Variants in ENPEP observed in about 807,000 individuals in gnomAD.
ENPEP encodes the protein glutamyl aminopeptidase.
A neutral mutation model predicts 114.5 loss-of-function variants in ENPEP; 103 were observed. That is an observed-to-expected ratio of 0.90 (90% CI 0.77 to 1.06). The LOEUF is 1.06. Among genes scored for constraint, ENPEP ranks in the 50% least tolerant of loss-of-function variants. The pLI, the probability that ENPEP is intolerant of heterozygous loss-of-function variation, is 0.00. For synonymous variants in ENPEP, 420 were observed against 422.0 expected (o/e 1.00, Z 0.06); for missense variants, 1,196 against 1,161.3 (o/e 1.03, Z -0.43).
At position 110,509,793 on chromosome 4, in the gene ENPEP, G is replaced by C; in HGVS notation, c.1180G>C (p.Glu394Gln). 3 of 1,613,454 alleles carry C rather than the reference G, an allele frequency of 1.9e-6. No individual in the cohort carries two copies. The highest frequency in any genetic ancestry group is 1.7e-6 in the Non-Finnish European group (2 of 1,179,862). Residue 394 changes from glutamate to glutamine, a missense_variant, in exon 5 of 20, where the codon GAA (glutamate) becomes CAA (glutamine). By Grantham distance (29) the Glu-to-Gln change is conservative. Coordinates refer to ENST00000265162, the MANE Select transcript of ENPEP (RefSeq NM_001977.4). ...GAGGGTGGCCACTGTGGTTGCCCATGAACTTGTGCATCAGGTACAGAATCT... is the reference window on the plus strand; with the variant it reads ...GAGGGTGGCCACTGTGGTTGCCCATCAACTTGTGCATCAGGTACAGAATCT... ...QQRVATVVAH[E>Q]LVHQWFGNIV...
At position 110,561,410 on chromosome 4, in the gene ENPEP, AG is replaced by A. The variant is rs1727672589; in HGVS notation, c.2727del (p.Ser910AlafsTer23). The A allele has an allele frequency of 2.5e-6, 4 of 1,613,540 alleles. No homozygotes were observed. Among genetic ancestry groups the A allele is most frequent in the Non-Finnish European group, 2.5e-6 (3 of 1,179,880 alleles). On this transcript the variant is annotated frameshift_variant, in exon 20 of 20. Coordinates refer to ENST00000265162, the MANE Select transcript of ENPEP (RefSeq NM_001977.4). LOFTEE classifies it low-confidence loss of function (END_TRUNC). ...FNTELQLWQM[E>X]SFFAKYPQAG... ...TTACTCCCCTCTCTTTTCTAGATGG[AG>A]AGCTTTTTTGCAAAATATCCACAAG... is the stretch of plus-strand genomic sequence containing the variant.
chr4:110,499,286 C>T (rs973819709), intron 3 of ENPEP, among the ~76,000 whole-genome samples: 3 of 152,086 alleles, frequency 2.0e-5, no homozygotes, highest in Non-Finnish European at 2.9e-5. Flanking sequence ...TTATTTAATA[C>T]TCGAAATAAC....
intron 11 of ENPEP, among the ~76,000 whole-genome samples, chr4:110,541,951 A>AT (rs1726864924): frequency 6.6e-6 from 1 of 152,162 alleles, no homozygotes; most frequent in East Asian, 1.9e-4. Context: ...TACCTAAAAC[A>AT]TAAGTCTCTG....
intron 1 of ENPEP, among the ~76,000 whole-genome samples, chr4:110,478,411 A>T (rs964859341): frequency 9.1e-5 from 12 of 131,830 alleles, no homozygotes; most frequent in African/African-American, 3.6e-4. Flanking sequence ...CATAAAAATT[A>T]TCAAAAAGGA....
intron 13 of ENPEP, among the ~76,000 whole-genome samples, chr4:110,547,433 C>T (rs905345060): frequency 4.6e-5 from 7 of 151,960 alleles, no homozygotes; most frequent in African/African-American, 1.4e-4. Context: ...GTTCCCTAGA[C>T]GTAGAGTCAG....
At chr4:110,535,232 A>G (rs1164006761) in intron 11 of ENPEP, among the ~76,000 whole-genome samples, 1 of 152,206 alleles carries the variant, frequency 6.6e-6, no homozygotes, top group East Asian at 1.9e-4. Flanking sequence ...TGCGGACTCT[A>G]CAATAGCTGT....
Position 110,545,034 on chromosome 4 carries a change from A to G in ENPEP, c.2000+1964A>G, listed in dbSNP as rs150164719. On this transcript the variant is annotated intron_variant, in intron 13 of 19. Transcript: ENST00000265162. ...TGGGACTCGGAGAGAAACAGATTCA[A>G]CGAGCATTGGTTAGAGCCAAGAGGG... Among the ~76,000 whole-genome samples the G allele has an allele frequency of 2.6e-5, 4 of 152,254 alleles. No individual in the cohort carries two copies. In the East Asian group the frequency reaches 7.7e-4, roughly 29 times the overall value.
intron 11 of ENPEP, among the ~76,000 whole-genome samples, chr4:110,535,283 A>G (rs1357108175): frequency 1.6e-4 from 24 of 152,142 alleles, no homozygotes. Context: ...TGTCCTCTGG[A>G]TGGTTTGGAC....
In ENPEP at chr4:110,559,673, G is replaced by A. The variant is rs1470073792; in HGVS notation, c.2669G>A (p.Gly890Asp). The A allele has an allele frequency of 6.2e-7, 1 of 1,613,694 alleles. No individual in the cohort carries two copies. The highest frequency in any genetic ancestry group is 8.5e-7 in the Non-Finnish European group (1 of 1,179,824). Residue 890 changes from glycine (G) to aspartate (D), a missense_variant, in exon 19 of 20, where the codon GGC becomes GAC. Transcript: ENST00000265162. ...NRYTLNNRNL[G>D]RIVTIAEPFN... is the part of the protein sequence containing the mutation. ...TATACACTCAATAACAGAAACCTTG[G>A]CCGAATTGTCACAATAGCAGAGCCA...
At position 110,476,682 on chromosome 4, in the gene ENPEP, A is replaced by C; in HGVS notation, c.268A>C (p.Asn90His). The change falls in exon 1 of 20, where the codon AAC becomes CAC. Residue 90 changes from asparagine (N) to histidine (H), a missense_variant. Physicochemically the swap from Asn to His is moderately conservative, Grantham distance 68. Transcript: ENST00000265162. ...ASEDESGQWKNFRLPDFVNPV... is the reference protein window; with the variant it reads ...ASEDESGQWKHFRLPDFVNPV... ...TGAGGATGAGAGCGGACAGTGGAAA[A>C]ACTTTCGACTGCCGGACTTCGTCAA... The C allele has an allele frequency of 6.2e-7, 1 of 1,613,806 alleles. No homozygotes were observed.
At chr4:110,554,883 C>T (rs753290129) in intron 18 of ENPEP, among the ~76,000 whole-genome samples, 3 of 151,878 alleles carry the variant, frequency 2.0e-5, no homozygotes, top group Non-Finnish European at 4.4e-5. Context: ...TGGCCATTAA[C>T]TTATTGTTTA....
intron 1 of ENPEP, among the ~76,000 whole-genome samples, chr4:110,484,239 A>G (rs1724418834): frequency 6.6e-6 from 1 of 152,146 alleles, no homozygotes; most frequent in Non-Finnish European, 1.5e-5. Flanking sequence ...TCACTTCCCC[A>G]TAACGCTGTG....
intron 10 of ENPEP, among the ~76,000 whole-genome samples, chr4:110,525,686 A>G (rs1036930872): frequency 6.6e-6 from 1 of 152,162 alleles, no homozygotes; most frequent in Non-Finnish European, 1.5e-5. Context: ...GTTCCTTTAT[A>G]GTTACTGGTC....
rs1345735036 is a variant in ENPEP, at chr4:110,501,251, AT to A, written c.919-5379del. Among the ~76,000 whole-genome samples, 4 of 152,134 alleles carry A rather than the reference AT, an allele frequency of 2.6e-5. No individual in the cohort carries two copies. The East Asian group carries it at 5.8e-4, about 22-fold the overall frequency. On this transcript the variant is annotated intron_variant, in intron 3 of 19. Coordinates refer to ENST00000265162, the MANE Select transcript of ENPEP (RefSeq NM_001977.4). ...GTTATAGAATAAAATCTATGACCTG[AT>A]TTTTTTATGGTAACTTCTGTAAAAT...
intron 8 of ENPEP, among the ~76,000 whole-genome samples, chr4:110,517,673 TAA>T (rs1054156499): frequency 6.6e-6 from 1 of 152,212 alleles, no homozygotes; most frequent in African/African-American, 2.4e-5. Flanking sequence ...ATTCTTAAGT[TAA>T]AAGTCTTCCT....
chr4:110,522,186 A>G (rs1481819451), intron 10 of ENPEP, among the ~76,000 whole-genome samples: 2 of 149,112 alleles, frequency 1.3e-5, no homozygotes, highest in African/African-American at 5.0e-5. Context: ...ACTAGATAGG[A>G]TTCTTTTTTT....
intron 17 of ENPEP, among the ~76,000 whole-genome samples, chr4:110,551,024 C>T (rs995476252): frequency 1.3e-5 from 2 of 149,334 alleles, no homozygotes; most frequent in Non-Finnish European, 3.0e-5. Context: ...GAGGCCGAGG[C>T]AGGAGGTTTT....
chr4:110,559,415 C>G (rs956607827), intron 18 of ENPEP, among the ~76,000 whole-genome samples: 2 of 151,746 alleles, frequency 1.3e-5, no homozygotes, highest in African/African-American at 4.8e-5. Flanking sequence ...AACAAGCAGT[C>G]TTCCATATCT....
chr4:110,554,717 T>A (rs1214600267), intron 18 of ENPEP, among the ~76,000 whole-genome samples: 1 of 152,078 alleles, frequency 6.6e-6, no homozygotes, highest in Non-Finnish European at 1.5e-5. Flanking sequence ...ATATGGCTAG[T>A]GATAAATACT....
Sources: allele counts gnomAD v4.1 joint callset (sites outside exome capture counted in the v4.1 genomes callset), GRCh38; gene constraint gnomAD v4.1.1; transcripts MANE v1.5; gene names NCBI Gene and HGNC (gene_info 2026-07-23, HGNC 2026-07-21).